ITFG1: variants seen among roughly 807,000 people sequenced by gnomAD.
The protein encoded by ITFG1 is T-cell immunomodulatory protein.
Under a neutral mutation model 81.8 loss-of-function variants are expected in ITFG1, and 34 were observed. That is an observed-to-expected ratio of 0.42 (90% CI 0.32 to 0.55). ITFG1 has a LOEUF of 0.55. Ranked by LOEUF, ITFG1 falls within the 20% of genes least tolerant of loss-of-function variation. The pLI is 0.17. For missense variants in ITFG1, 672 were observed against 755.4 expected (o/e 0.89, Z 1.29); for synonymous variants, 285 against 270.6 (o/e 1.05, Z -0.52).
intron 14 of ITFG1, among the ~76,000 whole-genome samples, chr16:47,187,304 G>T (rs1200428317): frequency 6.6e-6 from 1 of 152,142 alleles, no homozygotes; most frequent in East Asian, 1.9e-4. Context: ...GCATCGCCAA[G>T]TCAATCCTAA....
At chr16:47,225,475 T>C (rs1965746131) in intron 13 of ITFG1, among the ~76,000 whole-genome samples, 1 of 152,138 alleles carries the variant, frequency 6.6e-6, no homozygotes, top group Admixed American at 6.5e-5. Flanking sequence ...CCAAGATACA[T>C]CACAGTCAAA....
chr16:47,358,231 T>C (rs1359518394), intron 8 of ITFG1, among the ~76,000 whole-genome samples: 2 of 152,176 alleles, frequency 1.3e-5, no homozygotes, highest in Non-Finnish European at 2.9e-5. Context: ...TTTGATGGGA[T>C]AGGAGCAGAG....
At chr16:47,460,715 G>A in intron 1 of ITFG1, 123 bp downstream of exon 1, 1 of 1,046,382 alleles carries the variant, frequency 9.6e-7, no homozygotes, top group Non-Finnish European at 1.4e-6. Flanking sequence ...TAAAGGGAAG[G>A]CCACAGGGCT....
At chr16:47,411,710 T>G (rs1168079603) in intron 6 of ITFG1, among the ~76,000 whole-genome samples, 1 of 152,080 alleles carries the variant, frequency 6.6e-6, no homozygotes, top group African/African-American at 2.4e-5. Context: ...GGACCCCCAC[T>G]GGAGCCAAGG....
intron 14 of ITFG1, among the ~76,000 whole-genome samples, chr16:47,197,392 A>G (rs1596801736): frequency 6.6e-6 from 1 of 152,204 alleles, no homozygotes; most frequent in African/African-American, 2.4e-5. Context: ...CCAACTGCCA[A>G]TCACAAAGTC....
At position 47,162,680 on chromosome 16, in the gene ITFG1, T is replaced by TA. The variant is rs752384633; in HGVS notation, c.1454-17dup. 217 of 1,549,236 alleles carry TA rather than the reference T, an allele frequency of 1.4e-4. No individual in the cohort carries two copies. The highest frequency in any genetic ancestry group is 2.5e-4 in the Admixed American group (12 of 47,262). ...AGTTGGCCAGCTAGAGTTATTCAAT[T>TA]AAAAAAAAATTAAAAACATCTCTGG... On this transcript the variant is annotated splice_polypyrimidine_tract_variant and intron_variant, in intron 14 of 17. Transcript: ENST00000320640.
intron 14 of ITFG1, among the ~76,000 whole-genome samples, chr16:47,185,368 T>C (rs922118245): frequency 1.3e-5 from 2 of 152,056 alleles, no homozygotes; most frequent in Non-Finnish European, 2.9e-5. Context: ...ATTGACTACA[T>C]ACTTGGAAGT....
At chr16:47,381,074 T>C (rs1968390466) in intron 6 of ITFG1, among the ~76,000 whole-genome samples, 1 of 152,274 alleles carries the variant, frequency 6.6e-6, no homozygotes, top group Non-Finnish European at 1.5e-5. Flanking sequence ...AGGAGTAAGC[T>C]ACTGCATTTT....
At chr16:47,316,237 C>T (rs1355143120) in intron 8 of ITFG1, among the ~76,000 whole-genome samples, 1 of 151,906 alleles carries the variant, frequency 6.6e-6, no homozygotes, top group African/African-American at 2.4e-5. Context: ...TTTTTAAAAG[C>T]TTTTTTATTT....
intron 14 of ITFG1, among the ~76,000 whole-genome samples, chr16:47,205,179 A>G (rs1217013862): frequency 6.6e-6 from 1 of 152,234 alleles, no homozygotes; most frequent in Non-Finnish European, 1.5e-5. Context: ...TATAGTCTAC[A>G]TCAGGATTTC....
At chr16:47,242,920 T>A (rs1965952425) in intron 12 of ITFG1, among the ~76,000 whole-genome samples, 1 of 152,208 alleles carries the variant, frequency 6.6e-6, no homozygotes, top group African/African-American at 2.4e-5. Context: ...GATCTGCGTG[T>A]AATTGCATGG....
chr16:47,158,975 C>T lies in ITFG1; in HGVS notation c.1677G>A (p.Leu559=), dbSNP rs1395592426. 6 of 1,518,296 alleles carry T rather than the reference C, an allele frequency of 4.0e-6. No homozygotes were observed. Among genetic ancestry groups the T allele is most frequent in the Non-Finnish European group, 4.5e-6 (5 of 1,122,894 alleles). The allele number at this position is 1,518,296 out of a possible 1,614,324, so 94.1% of individuals were successfully genotyped here. A position where few individuals can be genotyped will look rare whatever the true frequency, so the allele number is the denominator to read the frequency against. The change falls in exon 17 of 18, where the codon CTG becomes CTA. Residue 559 remains leucine (L), a synonymous_variant. Coordinates refer to ENST00000320640, the MANE Select transcript of ITFG1 (RefSeq NM_030790.5). ...GAACAATATTACTTGGTGTAAGATA[C>T]AGTTTGGCACTCCAACTGTAGATAA... ...HNVPRSWSAK[L]YLTPSNIVLL... is the part of the protein sequence containing the mutation.
At chr16:47,445,782 C>T (rs1315837937) in intron 5 of ITFG1, among the ~76,000 whole-genome samples, 1 of 151,998 alleles carries the variant, frequency 6.6e-6, no homozygotes, top group Non-Finnish European at 1.5e-5. Flanking sequence ...TGAAAAGCAC[C>T]CATTATGCTA....
At chr16:47,306,453 T>A (rs1967160715) in intron 10 of ITFG1, among the ~76,000 whole-genome samples, 1 of 152,034 alleles carries the variant, frequency 6.6e-6, no homozygotes. Flanking sequence ...CCAAACATAT[T>A]TATGTGAACC....
intron 12 of ITFG1, among the ~76,000 whole-genome samples, chr16:47,256,467 C>T (rs918224747): frequency 6.6e-6 from 1 of 152,140 alleles, no homozygotes; most frequent in Non-Finnish European, 1.5e-5. Flanking sequence ...GAATTTCTTG[C>T]CTTCTTATCT....
rs555368981 is a variant in ITFG1 at position 47,431,706 on chromosome 16, T to C, written c.561-2808A>G. Among the ~76,000 whole-genome samples, 19 of 152,356 alleles carry C rather than the reference T, an allele frequency of 1.2e-4. No homozygotes were observed. In the South Asian group the frequency reaches 1.7e-3, roughly 13 times the overall value. On this transcript the variant is annotated intron_variant, in intron 5 of 17. Coordinates refer to ENST00000320640, the MANE Select transcript of ITFG1 (RefSeq NM_030790.5). Reference sequence around the variant, plus strand: ...ATTCTATGATAAATTTAAAGTTTTATGTTATGTGAATTTTATCTTACTAAG... The same window carrying C: ...ATTCTATGATAAATTTAAAGTTTTACGTTATGTGAATTTTATCTTACTAAG...
At chr16:47,457,379 A>C (rs1441022111) in intron 2 of ITFG1, among the ~76,000 whole-genome samples, 1 of 152,182 alleles carries the variant, frequency 6.6e-6, no homozygotes, top group African/African-American at 2.4e-5. Context: ...CATAGACACC[A>C]CATGGTTAAA....
At position 47,257,384 on chromosome 16, in the gene ITFG1, T is replaced by A. The variant is rs548187971; in HGVS notation, c.1330+1248A>T. 1.1e-4 allele frequency among the ~76,000 whole-genome samples: 17 copies of A among 152,178 alleles called. No homozygotes were observed. The East Asian group carries it at 3.3e-3, about 29-fold the overall frequency. ...AAAAACACAATATCCTCTACAGCCATCTTAAAGAAAATAAAATACTTAGGC... is the reference window on the plus strand; with the variant it reads ...AAAAACACAATATCCTCTACAGCCAACTTAAAGAAAATAAAATACTTAGGC... On this transcript the variant is annotated intron_variant, in intron 12 of 17. Coordinates refer to ENST00000320640, the MANE Select transcript of ITFG1 (RefSeq NM_030790.5).
intron 13 of ITFG1, among the ~76,000 whole-genome samples, chr16:47,228,426 C>T (rs1381699468): frequency 6.6e-6 from 1 of 152,196 alleles, no homozygotes; most frequent in East Asian, 1.9e-4. Flanking sequence ...GTGGCGCGAT[C>T]ACAGCTCACT....
Sources: allele counts gnomAD v4.1 joint callset (sites outside exome capture counted in the v4.1 genomes callset), GRCh38; gene constraint gnomAD v4.1.1; transcripts MANE v1.5; gene names NCBI Gene and HGNC (gene_info 2026-07-23, HGNC 2026-07-21).